The following MSL2 variants were observed in gnomAD, a reference collection of about 807,000 sequenced individuals.
MSL2 encodes E3 ubiquitin-protein ligase MSL2.
A neutral mutation model predicts 35.8 loss-of-function variants in MSL2; 2 were observed. That is an observed-to-expected ratio of 0.06 (90% CI 0.02 to 0.18). The LOEUF is 0.18. Ranked by LOEUF, MSL2 falls within the 10% of genes least tolerant of loss-of-function variation. MSL2 has a pLI of 1.00. For missense variants in MSL2, 523 were observed against 706.7 expected, an observed-to-expected ratio of 0.74 and a Z score of 2.95; for synonymous variants, 296 against 255.7, an observed-to-expected ratio of 1.16 and a Z score of -1.50.
At chr3:136,191,303 C>CA (rs1480133804) in intron 1 of MSL2, among the ~76,000 whole-genome samples, 5 of 151,832 alleles carry the variant, frequency 3.3e-5, no homozygotes, top group East Asian at 3.9e-4. Context: ...CCCGTCTCTA[C>CA]AAAAAATACA....
At chr3:136,179,615 T>G (rs1940279518) in intron 1 of MSL2, among the ~76,000 whole-genome samples, 1 of 151,818 alleles carries the variant, frequency 6.6e-6, no homozygotes, top group Non-Finnish European at 1.5e-5. Context: ...ATTTCATCAT[T>G]TAAGTAGTAA....
At chr3:136,168,064 C>T (rs1243162653) in intron 1 of MSL2, among the ~76,000 whole-genome samples, 1 of 152,038 alleles carries the variant, frequency 6.6e-6, no homozygotes, top group East Asian at 1.9e-4. Flanking sequence ...GAATAAAAAG[C>T]GGCCAGAGAA....
At chr3:136,180,959 C>T (rs974678146) in intron 1 of MSL2, among the ~76,000 whole-genome samples, 1 of 151,096 alleles carries the variant, frequency 6.6e-6, no homozygotes, top group Non-Finnish European at 1.5e-5. Context: ...CAACACTAGC[C>T]TGACCAATGT....
chr3:136,175,306 T>G (rs1018632313), intron 1 of MSL2, among the ~76,000 whole-genome samples: 4 of 149,234 alleles, frequency 2.7e-5, no homozygotes, highest in Non-Finnish European at 4.4e-5. Context: ...ATCGCGCCAC[T>G]GCACTCCAGC....
chr3:136,151,785 G>C lies in MSL2; in HGVS notation c.1096C>G (p.Leu366Val), dbSNP rs1373047487. ...ACTGTCACAGGAGCAGATGCCCCCA[G>C]TGTTGGGCCTCGGATAATGGTAGAA... The part of the protein sequence containing the change: ...PISTIIRGPT[L>V]GASAPVTVKR... Residue 366 changes from leucine to valine, a missense_variant, in exon 2 of 2, where the codon CTG becomes GTG. This residue lies in a region of MSL2 where 361 missense variants were observed against 414.6 expected (regional missense o/e 0.87). Coordinates refer to ENST00000309993, the MANE Select transcript of MSL2 (RefSeq NM_018133.4). The surrounding 1 kb of genome is among the most constrained non-coding windows in gnomAD (Gnocchi z 5.2). 1.2e-6 allele frequency: 2 copies of C among 1,614,082 alleles called. No individual in the cohort carries two copies. The highest frequency in any genetic ancestry group is 1.3e-5 in the African/African-American group (1 of 74,922).
intron 1 of MSL2, among the ~76,000 whole-genome samples, chr3:136,165,340 G>A (rs1939815367): frequency 6.6e-6 from 1 of 151,908 alleles, no homozygotes; most frequent in Non-Finnish European, 1.5e-5. Flanking sequence ...AACAAATAAT[G>A]TGATATTGAC....
Position 136,148,935 on chromosome 3 carries a change from A to G in MSL2, c.*2212T>C, listed in dbSNP as rs1939249027. On this transcript the variant is annotated 3_prime_UTR_variant, in exon 2 of 2. Coordinates refer to ENST00000309993, the MANE Select transcript of MSL2 (RefSeq NM_018133.4). ...TACAACATAGAATTAGAAAACTATC[A>G]TTTATTGATAGATTTAAGGTGTAAT... 1 of 152,590 alleles carries G rather than the reference A, an allele frequency of 6.6e-6. No individual in the cohort carries two copies. The highest frequency in any genetic ancestry group is 2.1e-4 in the South Asian group (1 of 4,834). The allele number at this position is 152,590 out of a possible 1,614,324, so 9.5% of individuals were successfully genotyped here.
At chr3:136,167,563 A>G (rs1234269207) in intron 1 of MSL2, among the ~76,000 whole-genome samples, 1 of 152,196 alleles carries the variant, frequency 6.6e-6, no homozygotes, top group Admixed American at 6.5e-5. Flanking sequence ...TAATGCAAAT[A>G]ATTTTACATA....
At position 136,151,528 on chromosome 3, in the gene MSL2, A is replaced by G; in HGVS notation, c.1353T>C (p.Thr451=). Residue 451 remains threonine, a synonymous_variant, in exon 2 of 2, where the codon ACT becomes ACC. Transcript: ENST00000309993. This position sits in a 1 kb window ranked among gnomAD's most constrained non-coding sequence, Gnocchi z 5.2. ...TCTTTTCCTGGGGTTTTTTGTACACAGTCTTGGTAGGACTTCCTGGCATAA... is the reference window on the plus strand; with the variant it reads ...TCTTTTCCTGGGGTTTTTTGTACACGGTCTTGGTAGGACTTCCTGGCATAA... The part of the protein sequence containing the change: ...HHFMPGSPTK[T]VYKKPQEKKG... 2 of 1,614,182 alleles carry G rather than the reference A, an allele frequency of 1.2e-6. No homozygotes were observed. The highest frequency in any genetic ancestry group is 2.2e-5 in the East Asian group (1 of 44,890).
intron 1 of MSL2, among the ~76,000 whole-genome samples, chr3:136,169,628 T>C (rs952141632): frequency 9.2e-5 from 14 of 152,154 alleles, no homozygotes; most frequent in African/African-American, 3.4e-4. Context: ...TTTTGTATTT[T>C]TAGTAGAGAC....
intron 1 of MSL2, among the ~76,000 whole-genome samples, chr3:136,163,475 G>GA (rs758477294): frequency 2.1e-4 from 32 of 152,152 alleles, no homozygotes; most frequent in Non-Finnish European, 4.1e-4. Context: ...CTTTTCAAAG[G>GA]AATCAGAGCT....
At chr3:136,167,772 C>A (rs1939891309) in intron 1 of MSL2, among the ~76,000 whole-genome samples, 1 of 152,016 alleles carries the variant, frequency 6.6e-6, no homozygotes, top group South Asian at 2.1e-4. Flanking sequence ...AGACTCAAAT[C>A]TTATAATACT....
At chr3:136,188,286 T>TA (rs1940579262) in intron 1 of MSL2, among the ~76,000 whole-genome samples, 1 of 147,650 alleles carries the variant, frequency 6.8e-6, no homozygotes, top group East Asian at 1.9e-4. Context: ...ATACACTAAT[T>TA]AGCTAGGCGT....
At position 136,151,080 on chromosome 3, in the gene MSL2, A is replaced by G. The variant is rs1939349382; in HGVS notation, c.*67T>C. ...AGGAGCTCCGGCAAGTTAAACCAAC[A>G]GAACCATAGCTGCCGTAAAACTGTA... On this transcript the variant is annotated 3_prime_UTR_variant, in exon 2 of 2. Coordinates refer to ENST00000309993, the MANE Select transcript of MSL2 (RefSeq NM_018133.4). The surrounding 1 kb of genome is among the most constrained non-coding windows in gnomAD (Gnocchi z 5.2). 3 of 1,540,546 alleles carry G rather than the reference A, an allele frequency of 1.9e-6. No individual in the cohort carries two copies.
Position 136,195,574 on chromosome 3 carries a change from C to T in MSL2, c.-461G>A, listed in dbSNP as rs1940815246. 1.3e-5 allele frequency: 13 copies of T among 996,166 alleles called. No homozygotes were observed. The South Asian group carries it at 5.2e-4, about 40-fold the overall frequency. 61.7% of individuals were successfully genotyped at this position (996,166 alleles called of 1,614,324 possible). A position where few individuals can be genotyped will look rare whatever the true frequency, so the allele number is the denominator to read the frequency against. ...GGCACGCTTCTCCCGGGCTGCAGGG[C>T]CTCTTACTCCATCCCAGTACAGGGC... On this transcript the variant is annotated 5_prime_UTR_variant, in exon 1 of 2. Coordinates refer to ENST00000309993, the MANE Select transcript of MSL2 (RefSeq NM_018133.4).
intron 1 of MSL2, among the ~76,000 whole-genome samples, chr3:136,193,351 C>T (rs1261031550): frequency 6.6e-6 from 1 of 152,058 alleles, no homozygotes; most frequent in Admixed American, 6.6e-5. Context: ...CTAAGTTTCA[C>T]CCATCTAGTA....
intron 1 of MSL2, chr3:136,153,093 A>G: frequency 1.0e-6 from 1 of 978,726 alleles, no homozygotes; most frequent in Non-Finnish European, 1.2e-6. Flanking sequence ...CCCTTTGGAT[A>G]GCCAGGTGTG....
At chr3:136,174,055 T>C (rs1576367268) in intron 1 of MSL2, among the ~76,000 whole-genome samples, 1 of 152,336 alleles carries the variant, frequency 6.6e-6, no homozygotes, top group East Asian at 1.9e-4. Flanking sequence ...CCTCAATCTG[T>C]TGAAAAAGCA....
intron 1 of MSL2, among the ~76,000 whole-genome samples, chr3:136,162,273 T>TAA (rs559618888): frequency 2.3e-4 from 31 of 135,880 alleles, no homozygotes; most frequent in East Asian, 1.3e-3. Flanking sequence ...ATAAGGTTTT[T>TAA]AAAAAAAAAA....
Sources: gnomAD v4.1 joint callset for allele counts (sites outside exome capture counted in the v4.1 genomes callset) on GRCh38, gnomAD v4.1.1 for gene constraint, gnomAD v4.1.1 regional missense constraint, Gnocchi (gnomAD v3.1) non-coding constraint, MANE v1.5 for transcripts, NCBI Gene and HGNC (gene_info 2026-07-23, HGNC 2026-07-21) for gene names.